Variants in SMAP1 observed in about 807,000 individuals in gnomAD.
SMAP1 encodes the protein small ArfGAP 1.
A neutral mutation model predicts 58.5 loss-of-function variants in SMAP1; 24 were observed. That is an observed-to-expected ratio of 0.41 (90% CI 0.30 to 0.58). The LOEUF is 0.58. SMAP1 is among the 20% of genes least tolerant of loss of function. The probability of loss-of-function intolerance (pLI) is 0.29; values close to 1 mark genes in which losing one functional copy is unlikely to be tolerated. For missense variants in SMAP1, 563 were observed against 566.3 expected, an observed-to-expected ratio of 0.99 and a Z score of 0.06; for synonymous variants, 216 against 196.6, an observed-to-expected ratio of 1.10 and a Z score of -0.82.
At chr6:70,732,355 T>C in intron 1 of SMAP1, 23 bp from the exon 2 acceptor site, 2 of 1,594,026 alleles carry the variant, frequency 1.3e-6, no homozygotes, top group Non-Finnish European at 1.7e-6. Context: ...TGCTTTTTTT[T>C]GTGGTTTCTT....
intron 4 of SMAP1, among the ~76,000 whole-genome samples, chr6:70,782,829 G>A (rs558818031): frequency 3.9e-5 from 6 of 152,188 alleles, no homozygotes; most frequent in South Asian, 2.1e-4. Flanking sequence ...ATATACATAT[G>A]TGGAGCCAAG....
At chr6:70,708,379 A>G (rs1237276831) in intron 1 of SMAP1, among the ~76,000 whole-genome samples, 1 of 152,154 alleles carries the variant, frequency 6.6e-6, no homozygotes, top group Non-Finnish European at 1.5e-5. Flanking sequence ...TTGATGGACA[A>G]ACACTTAGGT....
intron 6 of SMAP1, among the ~76,000 whole-genome samples, chr6:70,801,696 G>A (rs1427990638): frequency 6.6e-6 from 1 of 152,190 alleles, no homozygotes; most frequent in African/African-American, 2.4e-5. Context: ...TGCATATGAA[G>A]TGTAAGAAGG....
chr6:70,718,548 A>G (rs1015820461), intron 1 of SMAP1, among the ~76,000 whole-genome samples: 1 of 152,124 alleles, frequency 6.6e-6, no homozygotes, highest in African/African-American at 2.4e-5. Context: ...GGGGCTGAGC[A>G]TGGTGGCTCA....
intron 4 of SMAP1, among the ~76,000 whole-genome samples, chr6:70,786,636 C>T (rs140296882): frequency 6.6e-6 from 1 of 152,082 alleles, no homozygotes; most frequent in Non-Finnish European, 1.5e-5. Flanking sequence ...GTACAAAAAT[C>T]ACAAGCATTC....
At chr6:70,829,568 A>G (rs985603350) in intron 6 of SMAP1, among the ~76,000 whole-genome samples, 3 of 152,238 alleles carry the variant, frequency 2.0e-5, no homozygotes, top group African/African-American at 7.2e-5. Context: ...TTAGGAGATT[A>G]ACCTTTGCCA....
At chr6:70,751,288 AC>A (rs1315440385) in intron 2 of SMAP1, among the ~76,000 whole-genome samples, 24 of 152,138 alleles carry the variant, frequency 1.6e-4, no homozygotes, top group Non-Finnish European at 2.6e-4. Context: ...TGGCAGAAGT[AC>A]ATGTTCACTT....
intron 3 of SMAP1, among the ~76,000 whole-genome samples, chr6:70,765,742 T>A (rs983712768): frequency 2.6e-5 from 4 of 151,988 alleles, no homozygotes; most frequent in Non-Finnish European, 5.9e-5. Context: ...TTTTTATTTA[T>A]TTTTATTTTA....
intron 7 of SMAP1, among the ~76,000 whole-genome samples, chr6:70,844,583 G>A (rs996919238): frequency 6.6e-6 from 1 of 152,128 alleles, no homozygotes; most frequent in South Asian, 2.1e-4. Flanking sequence ...AGTCATTTTA[G>A]CAAATTAGCC....
chr6:70,721,990 C>T (rs900677954), intron 1 of SMAP1, among the ~76,000 whole-genome samples: 1 of 152,140 alleles, frequency 6.6e-6, no homozygotes, highest in African/African-American at 2.4e-5. Flanking sequence ...CATATCATCT[C>T]CTAATAACAA....
chr6:70,797,409 A>C (rs535746052), intron 5 of SMAP1, among the ~76,000 whole-genome samples: 9 of 152,226 alleles, frequency 5.9e-5, no homozygotes, highest in African/African-American at 1.9e-4. Flanking sequence ...TACCACTTTG[A>C]AAGCTCCTGT....
chr6:70,790,013 A>G (rs1323372537), intron 4 of SMAP1, among the ~76,000 whole-genome samples: 1 of 152,222 alleles, frequency 6.6e-6, no homozygotes, highest in Non-Finnish European at 1.5e-5. Flanking sequence ...TCTAAGGATT[A>G]GTAACTTTTG....
intron 1 of SMAP1, among the ~76,000 whole-genome samples, chr6:70,698,783 A>G (rs939892593): frequency 6.6e-6 from 1 of 152,126 alleles, no homozygotes; most frequent in Admixed American, 6.6e-5. Context: ...TAGAATTCTG[A>G]ATTCCTTTTC....
chr6:70,772,697 A>G lies in SMAP1; in HGVS notation c.339-653A>G, dbSNP rs144471349. Among the ~76,000 whole-genome samples, 623 of 152,330 alleles carry G rather than the reference A, an allele frequency of 4.1e-3. 1 individual carries two copies. The highest frequency in any genetic ancestry group is 5.8e-3 in the Non-Finnish European group (395 of 68,016). On this transcript the variant is annotated intron_variant, in intron 3 of 10. Transcript: ENST00000370455. ...AGACAACTTCAAGAATTTAAAGAAG[A>G]CTAACGTTGGCTTTATCATCTTGAC... is the stretch of plus-strand genomic sequence containing the variant.
At chr6:70,795,607 T>G (rs1022007378) in intron 5 of SMAP1, among the ~76,000 whole-genome samples, 4 of 152,192 alleles carry the variant, frequency 2.6e-5, no homozygotes, top group Non-Finnish European at 5.9e-5. Context: ...AGGCCCCACC[T>G]CCTAATAATA....
At position 70,846,411 on chromosome 6, in the gene SMAP1, T is replaced by C. The variant is rs2460690; in HGVS notation, c.665-6129T>C. 3.3e-3 allele frequency among the ~76,000 whole-genome samples: 507 copies of C among 152,286 alleles called. 2 individuals are homozygous for C. Among genetic ancestry groups the C allele is most frequent in the Non-Finnish European group, 4.8e-3 (324 of 68,016 alleles). ...TGGGACTGGTCATGGCTCGGGGCTA[T>C]AAAAGTGGTGCCAGCGAGGAGTAAA... is the stretch of plus-strand genomic sequence containing the variant. On this transcript the variant is annotated intron_variant, in intron 7 of 10. Transcript: ENST00000370455.
intron 6 of SMAP1, among the ~76,000 whole-genome samples, chr6:70,827,037 C>T (rs1770160733): frequency 6.7e-6 from 1 of 150,282 alleles, no homozygotes; most frequent in Non-Finnish European, 1.5e-5. Flanking sequence ...CTTAAATATG[C>T]GTCTGGTCAA....
At chr6:70,730,375 C>G (rs1046064422) in intron 1 of SMAP1, among the ~76,000 whole-genome samples, 1 of 152,216 alleles carries the variant, frequency 6.6e-6, no homozygotes. Context: ...TCTGTTTAAC[C>G]TTTCTTAGTT....
intron 1 of SMAP1, among the ~76,000 whole-genome samples, chr6:70,677,885 G>T (rs1766550516): frequency 6.6e-6 from 1 of 151,998 alleles, no homozygotes. Context: ...TCACTGTAAT[G>T]CTTTCTTACT....
Sources: gnomAD v4.1 joint callset for allele counts (sites outside exome capture counted in the v4.1 genomes callset) on GRCh38, gnomAD v4.1.1 for gene constraint, MANE v1.5 for transcripts, NCBI Gene and HGNC (gene_info 2026-07-23, HGNC 2026-07-21) for gene names.